DMBX1: variants seen among roughly 807,000 people sequenced by gnomAD.
DMBX1 encodes the protein diencephalon/mesencephalon homeobox protein 1.
Under a neutral mutation model 30.4 loss-of-function variants are expected in DMBX1, and 7 were observed. The observed-to-expected ratio is 0.23, with a 90% CI of 0.13 to 0.43. The LOEUF (loss-of-function observed/expected upper bound fraction) is 0.43. Among genes scored for constraint, DMBX1 ranks in the 20% least tolerant of loss-of-function variants. The probability of loss-of-function intolerance (pLI) is 1.00; values close to 1 mark genes in which losing one functional copy is unlikely to be tolerated. For synonymous variants in DMBX1, 222 were observed against 214.2 expected (o/e 1.04, Z -0.32); for missense variants, 460 against 508.5 (o/e 0.90, Z 0.92).
At chr1:46,503,924 G>A (rs1028168418) in intron 2 of DMBX1, among the ~76,000 whole-genome samples, 2 of 152,222 alleles carry the variant, frequency 1.3e-5, no homozygotes, top group African/African-American at 2.4e-5. Context: ...GTCCGGATGG[G>A]ACCTTGGCAG....
chr1:46,496,473 A>C (rs1489353310), intron 2 of DMBX1, among the ~76,000 whole-genome samples: 2 of 152,306 alleles, frequency 1.3e-5, no homozygotes, highest in Middle Eastern at 3.4e-3. Flanking sequence ...CCTCATCTGC[A>C]ATGTGGAGAG....
intron 2 of DMBX1, among the ~76,000 whole-genome samples, chr1:46,496,659 C>A (rs1291556321): frequency 6.6e-6 from 1 of 152,246 alleles, no homozygotes; most frequent in Non-Finnish European, 1.5e-5. Context: ...TGCACACACA[C>A]ATGCATACAC....
Position 46,510,409 on chromosome 1 carries a change from T to C in DMBX1, c.155-67T>C. 1 of 1,554,588 alleles carries C rather than the reference T, an allele frequency of 6.4e-7. No individual in the cohort carries two copies. The highest frequency in any genetic ancestry group is 8.7e-7 in the Non-Finnish European group (1 of 1,152,946). On this transcript the variant is annotated intron_variant, in intron 3 of 5. Transcript: ENST00000360032. The surrounding 1 kb of genome is among the most constrained non-coding windows in gnomAD (Gnocchi z 4.1). ...CACAGTGGGTCAGAGCAGGATAAGA[T>C]TCAAAGCTATTTCCCATAATTAAAT...
rs920957051 is a variant in DMBX1 at position 46,510,401 on chromosome 1, G to A, written c.155-75G>A. 64 of 1,533,992 alleles carry A rather than the reference G, an allele frequency of 4.2e-5. No homozygotes were observed. In the Middle Eastern group the frequency reaches 1.0e-3, roughly 25 times the overall value. The stretch of plus-strand genomic sequence containing the variant: ...TGGGTGTCCACAGTGGGTCAGAGCA[G>A]GATAAGATTCAAAGCTATTTCCCAT... On this transcript the variant is annotated intron_variant, in intron 3 of 5. Transcript: ENST00000360032. This position sits in a 1 kb window ranked among gnomAD's most constrained non-coding sequence, Gnocchi z 4.1.
In DMBX1 at chr1:46,495,337, G is replaced by A. The variant is rs559316426; in HGVS notation, c.-13+4554G>A. On this transcript the variant is annotated intron_variant, in intron 2 of 5. Transcript: ENST00000360032. ...AGTACTAGCTGGGGAAGCAGACCCC[G>A]CCCTGGATCAAGGTTAAGAGCTCTG... 4.6e-5 allele frequency among the ~76,000 whole-genome samples: 7 copies of A among 152,296 alleles called. No homozygotes were observed. In the South Asian group the frequency reaches 6.2e-4, roughly 14 times the overall value.
In DMBX1 at chr1:46,496,090, G is replaced by C. The variant is rs140128517; in HGVS notation, c.-13+5307G>C. On this transcript the variant is annotated intron_variant, in intron 2 of 5. Transcript: ENST00000360032. ...CCCCTGGCAGGGGGAGGAAGAGGCT[G>C]ATCCCTGGGCTTTCTGCACCTTTGA... Among the ~76,000 whole-genome samples the C allele has an allele frequency of 1.6e-4, 24 of 152,358 alleles. No homozygotes were observed. In the East Asian group the frequency reaches 4.4e-3, roughly 28 times the overall value.
At chr1:46,500,560 C>G (rs1026304563) in intron 2 of DMBX1, among the ~76,000 whole-genome samples, 3 of 150,892 alleles carry the variant, frequency 2.0e-5, no homozygotes, top group Non-Finnish European at 4.4e-5. Context: ...CCCCCTCCCC[C>G]AAAAAAGAAA....
intron 2 of DMBX1, among the ~76,000 whole-genome samples, chr1:46,505,714 A>C (rs1350935945): frequency 1.3e-5 from 2 of 151,956 alleles, no homozygotes; most frequent in African/African-American, 4.8e-5. Flanking sequence ...ACTAACCTGC[A>C]CAATGTGCAC....
intron 2 of DMBX1, among the ~76,000 whole-genome samples, chr1:46,496,933 C>T (rs115400361): frequency 0.011 from 1,683 of 152,348 alleles, 18 homozygotes; most frequent in Non-Finnish European, 0.017. Flanking sequence ...GCAGGAGGGA[C>T]GGTTGCAGTG....
At position 46,509,064 on chromosome 1, in the gene DMBX1, C is replaced by T. The variant is rs117720270; in HGVS notation, c.155-1412C>T. Among the ~76,000 whole-genome samples the T allele has an allele frequency of 5.5e-3, 843 of 152,068 alleles. 12 individuals carry two copies. Among genetic ancestry groups the T allele is most frequent in the East Asian group, 0.055 (284 of 5,164 alleles). ...CTTCCTGGATACCCAGTTGCCTCTT[C>T]CTATTCTTTTTTTTTTTGCGGAGGG... On this transcript the variant is annotated intron_variant, in intron 3 of 5. Coordinates refer to ENST00000360032, the MANE Select transcript of DMBX1 (RefSeq NM_172225.2).
chr1:46,513,415 C>T lies in DMBX1; in HGVS notation c.*921C>T, dbSNP rs760540115. Reference sequence around the variant, plus strand: ...CCTGCCCAGGCTGGCATCTAGAAGGCGTCATGAATTACTTTCTCTTCTCTC... The same window carrying T: ...CCTGCCCAGGCTGGCATCTAGAAGGTGTCATGAATTACTTTCTCTTCTCTC... On this transcript the variant is annotated 3_prime_UTR_variant, in exon 6 of 6. Transcript: ENST00000360032. 2 of 152,172 alleles carry T rather than the reference C, an allele frequency of 1.3e-5. No individual in the cohort carries two copies. The highest frequency in any genetic ancestry group is 2.4e-5 in the African/African-American group (1 of 41,426). 9.4% of individuals were successfully genotyped at this position (152,172 alleles called of 1,614,324 possible).
At position 46,507,253 on chromosome 1, in the gene DMBX1, G is replaced by T. The variant is rs1666256894; in HGVS notation, c.154+89G>T. 5 of 1,523,010 alleles carry T rather than the reference G, an allele frequency of 3.3e-6. No individual in the cohort carries two copies. The Admixed American group carries it at 8.1e-5, about 25-fold the overall frequency. The allele number at this position is 1,523,010 out of a possible 1,614,324, so 94.3% of individuals were successfully genotyped here. The stretch of plus-strand genomic sequence containing the variant: ...AAGGCAAAGAGGAGAGGGAGCACTG[G>T]CCAAGCTTGTTCTAGGGGGCTCAAA... On this transcript the variant is annotated intron_variant, in intron 3 of 5. Coordinates refer to ENST00000360032, the MANE Select transcript of DMBX1 (RefSeq NM_172225.2).
intron 2 of DMBX1, among the ~76,000 whole-genome samples, chr1:46,498,809 T>A (rs985650476): frequency 3.9e-5 from 6 of 152,202 alleles, no homozygotes; most frequent in Non-Finnish European, 8.8e-5. Context: ...TGGTACCACA[T>A]GTGTACAGCT....
chr1:46,508,523 T>C (rs1325547141), intron 3 of DMBX1, among the ~76,000 whole-genome samples: 1 of 152,154 alleles, frequency 6.6e-6, no homozygotes, highest in Non-Finnish European at 1.5e-5. Context: ...CATTAGTTTC[T>C]AGTGTGGGGA....
At chr1:46,506,940 C>T in intron 2 of DMBX1, 59 bp from the exon 3 acceptor site, 1 of 1,580,866 alleles carries the variant, frequency 6.3e-7, no homozygotes, top group Non-Finnish European at 8.6e-7. Context: ...GGGTGGGTCT[C>T]CCTGAGGGCA....
At chr1:46,499,262 CTT>C (rs1341598060) in intron 2 of DMBX1, among the ~76,000 whole-genome samples, 2 of 152,178 alleles carry the variant, frequency 1.3e-5, no homozygotes, top group African/African-American at 4.8e-5. Context: ...GTCTCAAACT[CTT>C]GAGCTCAGGT....
chr1:46,503,225 T>A (rs1569888627), intron 2 of DMBX1, among the ~76,000 whole-genome samples: 1 of 152,370 alleles, frequency 6.6e-6, no homozygotes, highest in Middle Eastern at 3.4e-3. Context: ...GACTTCAAGT[T>A]TCTGCTCAAA....
rs1666339300 is a variant in DMBX1 at position 46,510,407 on chromosome 1, G to T, written c.155-69G>T. ...TCCACAGTGGGTCAGAGCAGGATAA[G>T]ATTCAAAGCTATTTCCCATAATTAA... On this transcript the variant is annotated intron_variant, in intron 3 of 5. Transcript: ENST00000360032. This position sits in a 1 kb window ranked among gnomAD's most constrained non-coding sequence, Gnocchi z 4.1. 6.5e-7 allele frequency: 1 copy of T among 1,549,250 alleles called. No individual in the cohort carries two copies. The highest frequency in any genetic ancestry group is 8.7e-7 in the Non-Finnish European group (1 of 1,150,056).
chr1:46,506,054 CT>C (rs1286743459), intron 2 of DMBX1, among the ~76,000 whole-genome samples: 1 of 58,186 alleles, frequency 1.7e-5, no homozygotes, highest in African/African-American at 7.8e-5. Flanking sequence ...TATCTCATTT[CT>C]TTTTTTTATT....
Sources: gnomAD v4.1 joint callset for allele counts (sites outside exome capture counted in the v4.1 genomes callset) on GRCh38, gnomAD v4.1.1 for gene constraint, Gnocchi (gnomAD v3.1) non-coding constraint, MANE v1.5 for transcripts, NCBI Gene and HGNC (gene_info 2026-07-23, HGNC 2026-07-21) for gene names.